ALMS1: variants seen among roughly 807,000 people sequenced by gnomAD.
The protein encoded by ALMS1 is ALMS1 centrosome and basal body associated protein, also known as centrosome-associated protein ALMS1.
A neutral mutation model predicts 352.2 loss-of-function variants in ALMS1; 271 were observed. The observed-to-expected ratio is 0.77, with a 90% CI of 0.70 to 0.85. The LOEUF (loss-of-function observed/expected upper bound fraction) is 0.85, where lower values mean the gene tolerates loss of function less well. Among genes scored for constraint, ALMS1 ranks in the 40% least tolerant of loss-of-function variants. ALMS1 has a pLI of 0.00. For synonymous variants in ALMS1, 1,865 were observed against 1,761.2 expected, an observed-to-expected ratio of 1.06 and a Z score of -1.48; for missense variants, 5,445 against 4,870.7, an observed-to-expected ratio of 1.12 and a Z score of -3.51.
At chr2:73,483,620 G>A (rs1388296022) in intron 9 of ALMS1, among the ~76,000 whole-genome samples, 1 of 151,518 alleles carries the variant, frequency 6.6e-6, no homozygotes, top group Admixed American at 6.6e-5. Context: ...TCAGTTCCTG[G>A]GTATCCTTGT....
intron 2 of ALMS1, among the ~76,000 whole-genome samples, chr2:73,414,483 T>TG (rs954997271): frequency 2.2e-5 from 2 of 89,858 alleles, no homozygotes; most frequent in African/African-American, 6.1e-5. Flanking sequence ...GTTTTTTTTT[T>TG]TTTTTGTTTT....
intron 16 of ALMS1, among the ~76,000 whole-genome samples, chr2:73,590,047 T>G (rs1675392261): frequency 6.6e-6 from 1 of 152,028 alleles, no homozygotes; most frequent in Non-Finnish European, 1.5e-5. Flanking sequence ...GATAGGTGTT[T>G]TTTTTTTTTC....
At chr2:73,387,041 C>T (rs905415874) in intron 1 of ALMS1, among the ~76,000 whole-genome samples, 2 of 152,130 alleles carry the variant, frequency 1.3e-5, no homozygotes, top group Non-Finnish European at 2.9e-5. Flanking sequence ...CTGTTCTTAC[C>T]GGTTTTCAAG....
chr2:73,562,466 A>G (rs779224703), intron 15 of ALMS1, among the ~76,000 whole-genome samples: 15 of 152,338 alleles, frequency 9.8e-5, no homozygotes, highest in Admixed American at 6.5e-4. Context: ...ATACAGAAAA[A>G]AACAAGTAGA....
intron 12 of ALMS1, among the ~76,000 whole-genome samples, chr2:73,543,918 G>T (rs1165079446): frequency 1.3e-5 from 2 of 152,164 alleles, no homozygotes; most frequent in African/African-American, 2.4e-5. Context: ...CTGTTGGTGG[G>T]ACTGTAAACT....
At chr2:73,409,170 T>C (rs536022167) in intron 2 of ALMS1, among the ~76,000 whole-genome samples, 185 of 152,242 alleles carry the variant, frequency 1.2e-3, no homozygotes, top group Non-Finnish European at 1.9e-3. Flanking sequence ...GCCACCACTC[T>C]TGGCCAAATA....
Position 73,465,649 on chromosome 2 carries a change from A to G in ALMS1, c.7674+10354A>G, listed in dbSNP as rs1330726669. On this transcript the variant is annotated intron_variant, in intron 9 of 22. Transcript: ENST00000613296. ...CAAAATTGACAAATGGGATCTAATT[A>G]AACTAAAGAGTTTCTGCACAGCAAA... Among the ~76,000 whole-genome samples, 3 of 152,148 alleles carry G rather than the reference A, an allele frequency of 2.0e-5. No individual in the cohort carries two copies. The East Asian group carries it at 5.8e-4, about 29-fold the overall frequency.
chr2:73,465,174 C>T (rs1436183271), intron 9 of ALMS1, among the ~76,000 whole-genome samples: 18 of 151,982 alleles, frequency 1.2e-4, no homozygotes, highest in Non-Finnish European at 2.1e-4. Flanking sequence ...GAGCCTGCAT[C>T]GCCAAGTCAA....
chr2:73,601,333 A>G lies in ALMS1; in HGVS notation c.12011A>G (p.Gln4004Arg). ...TRPWREPLRE[Q>R]NCQGQHLDGR... ...CCCTGGAGGGAGCCACTGCGGGAGC[A>G]GAACTGTCAGGGGCAGCACCTGGAC... The change falls in exon 19 of 23, where the codon CAG becomes CGG. Residue 4004 changes from glutamine to arginine, a missense_variant. Coordinates refer to ENST00000613296, the MANE Select transcript of ALMS1 (RefSeq NM_001378454.1). 6.2e-7 allele frequency: 1 copy of G among 1,614,238 alleles called. No individual in the cohort carries two copies. The highest frequency in any genetic ancestry group is 8.5e-7 in the Non-Finnish European group (1 of 1,180,028).
In ALMS1 at chr2:73,408,707, G is replaced by C. The variant is rs1671018720; in HGVS notation, c.410G>C (p.Cys137Ser). The C allele has an allele frequency of 6.2e-7, 1 of 1,613,072 alleles. No individual in the cohort carries two copies. The highest frequency in any genetic ancestry group is 8.5e-7 in the Non-Finnish European group (1 of 1,179,700). The change falls in exon 2 of 23, where the codon TGT (cysteine) becomes TCT (serine). Residue 137 changes from cysteine (C) to serine (S), a missense_variant. Physicochemically the swap from Cys to Ser is moderately radical, Grantham distance 112. Transcript: ENST00000613296. ...CAAATTTCTGATACTAATGTGGTCT[G>C]TTTGGAAACAACAGCTCAGCGGGGT... Reference protein sequence around the residue: ...RTQISDTNVVCLETTAQRGSG... With the variant: ...RTQISDTNVVSLETTAQRGSG...
chr2:73,464,170 G>A (rs556578455), intron 9 of ALMS1, among the ~76,000 whole-genome samples: 3 of 152,284 alleles, frequency 2.0e-5, no homozygotes, highest in South Asian at 4.2e-4. Context: ...CAATATCCCT[G>A]ATGAACATTG....
chr2:73,586,332 T>G (rs1307796808), intron 16 of ALMS1, among the ~76,000 whole-genome samples: 3 of 152,204 alleles, frequency 2.0e-5, no homozygotes, highest in Non-Finnish European at 4.4e-5. Context: ...AGTCAATGTC[T>G]ACAAGAGTTT....
chr2:73,472,118 C>T lies in ALMS1; in HGVS notation c.7674+16823C>T, dbSNP rs1672481496. Among the ~76,000 whole-genome samples, 3 of 151,914 alleles carry T rather than the reference C, an allele frequency of 2.0e-5. No individual in the cohort carries two copies. In the South Asian group the frequency reaches 6.2e-4, roughly 31 times the overall value. On this transcript the variant is annotated intron_variant, in intron 9 of 22. Transcript: ENST00000613296. ...GAAGGACAAATACTGAATGATTTCA[C>T]TTATATGAAATATCTAAAAATAGTC...
At chr2:73,554,208 A>G (rs894815133) in intron 13 of ALMS1, among the ~76,000 whole-genome samples, 3 of 151,656 alleles carry the variant, frequency 2.0e-5, no homozygotes, top group African/African-American at 7.3e-5. Flanking sequence ...TAGTGTTGAT[A>G]TGGACAAAAT....
At chr2:73,442,801 G>T (rs1381748567) in intron 7 of ALMS1, among the ~76,000 whole-genome samples, 4 of 152,054 alleles carry the variant, frequency 2.6e-5, no homozygotes, top group African/African-American at 9.7e-5. Flanking sequence ...TCCAATTGTA[G>T]GACTCTATCT....
intron 1 of ALMS1, among the ~76,000 whole-genome samples, chr2:73,389,914 T>C (rs1417014708): frequency 6.6e-6 from 1 of 152,136 alleles, no homozygotes; most frequent in Non-Finnish European, 1.5e-5. Context: ...GGTCTTGAAC[T>C]CCTGACCTGT....
chr2:73,529,389 T>C lies in ALMS1; in HGVS notation c.9782-5435T>C, dbSNP rs1356027189. Among the ~76,000 whole-genome samples, 4 of 152,222 alleles carry C rather than the reference T, an allele frequency of 2.6e-5. No homozygotes were observed. The East Asian group carries it at 5.8e-4, about 22-fold the overall frequency. On this transcript the variant is annotated intron_variant, in intron 11 of 22. Coordinates refer to ENST00000613296, the MANE Select transcript of ALMS1 (RefSeq NM_001378454.1). ...CTTTGTCTGAAAGGTTCCACATCTCTGTTTCTCCAGGATTGGTTTTTAGTG... is the reference window on the plus strand; with the variant it reads ...CTTTGTCTGAAAGGTTCCACATCTCCGTTTCTCCAGGATTGGTTTTTAGTG...
At chr2:73,585,614 T>C (rs941005529) in intron 16 of ALMS1, among the ~76,000 whole-genome samples, 1 of 152,120 alleles carries the variant, frequency 6.6e-6, no homozygotes, top group Non-Finnish European at 1.5e-5. Context: ...CAGGATGGTC[T>C]TGATCTCCTG....
intron 10 of ALMS1, among the ~76,000 whole-genome samples, chr2:73,513,857 T>C (rs143445403): frequency 0.023 from 3,534 of 152,258 alleles, 60 homozygotes; most frequent in Non-Finnish European, 0.037. Context: ...AGGACACTTC[T>C]TTACATGGGC....
Sources: gnomAD v4.1 joint callset for allele counts (sites outside exome capture counted in the v4.1 genomes callset) on GRCh38, gnomAD v4.1.1 for gene constraint, MANE v1.5 for transcripts, NCBI Gene and HGNC (gene_info 2026-07-23, HGNC 2026-07-21) for gene names.